FOXJ3: variants seen among roughly 807,000 people sequenced by gnomAD.
The protein encoded by FOXJ3 is forkhead box protein J3.
A neutral mutation model predicts 76.1 loss-of-function variants in FOXJ3; 22 were observed. The observed-to-expected ratio is 0.29, with a 90% CI of 0.21 to 0.41. The LOEUF is 0.41. Among genes scored for constraint, FOXJ3 ranks in the 10% least tolerant of loss-of-function variants. The pLI is 1.00. For synonymous variants in FOXJ3, 269 were observed against 261.2 expected, an observed-to-expected ratio of 1.03 and a Z score of -0.29; for missense variants, 613 against 762.1, an observed-to-expected ratio of 0.80 and a Z score of 2.30.
At chr1:42,206,008 T>C (rs1372074693) in intron 5 of FOXJ3, 145 bp from the exon 6 acceptor site, 1 of 589,868 alleles carries the variant, frequency 1.7e-6, no homozygotes, top group African/African-American at 1.9e-5. Flanking sequence ...TGAAATCTCT[T>C]CTACTAAATT....
At chr1:42,299,706 A>G (rs1467773059) in intron 2 of FOXJ3, among the ~76,000 whole-genome samples, 1 of 152,146 alleles carries the variant, frequency 6.6e-6, no homozygotes, top group Admixed American at 6.5e-5. Flanking sequence ...CAGGAGCTCA[A>G]GACCAGCCTG....
intron 1 of FOXJ3, among the ~76,000 whole-genome samples, chr1:42,328,676 AT>A (rs35507698): frequency 0.3 from 34,611 of 115,072 alleles, 3,272 homozygotes; most frequent in South Asian, 0.35. Context: ...TACTTATCCT[AT>A]TTTTTTTTTT....
Position 42,202,874 on chromosome 1 carries a change from T to C in FOXJ3, c.630+2888A>G, listed in dbSNP as rs1257640696. ...TCTTTAAATGAGGTTGTTTGTTGTT[T>C]TGATTTGGTCTGCATATTCTATGAG... is the stretch of plus-strand genomic sequence containing the variant. On this transcript the variant is annotated intron_variant, in intron 6 of 12. Coordinates refer to ENST00000361346, the MANE Select transcript of FOXJ3 (RefSeq NM_014947.5). Among the ~76,000 whole-genome samples, 4 of 152,192 alleles carry C rather than the reference T, an allele frequency of 2.6e-5. No homozygotes were observed. The East Asian group carries it at 7.7e-4, about 29-fold the overall frequency.
chr1:42,320,545 C>T (rs1416108456), intron 1 of FOXJ3, among the ~76,000 whole-genome samples: 2 of 151,758 alleles, frequency 1.3e-5, no homozygotes, highest in East Asian at 1.9e-4. Flanking sequence ...TAGATCACAC[C>T]GTATGTTTAA....
intron 4 of FOXJ3, among the ~76,000 whole-genome samples, chr1:42,240,210 A>G (rs535792579): frequency 7.9e-5 from 12 of 152,348 alleles, no homozygotes; most frequent in African/African-American, 2.9e-4. Context: ...TTATAGAGGT[A>G]GGGTCTTGCT....
At chr1:42,223,386 T>C (rs1173042314) in intron 5 of FOXJ3, among the ~76,000 whole-genome samples, 1 of 152,228 alleles carries the variant, frequency 6.6e-6, no homozygotes, top group Non-Finnish European at 1.5e-5. Context: ...ATCTCATAAC[T>C]TTAGTTTATC....
At chr1:42,270,529 C>T (rs951312095) in intron 3 of FOXJ3, among the ~76,000 whole-genome samples, 2 of 151,890 alleles carry the variant, frequency 1.3e-5, no homozygotes, top group Admixed American at 1.3e-4. Context: ...CACATAAAAC[C>T]CACAAAGAAA....
chr1:42,227,660 G>A (rs1011944416), intron 5 of FOXJ3, among the ~76,000 whole-genome samples: 3 of 152,156 alleles, frequency 2.0e-5, no homozygotes, highest in East Asian at 1.9e-4. Context: ...CGACACCTGC[G>A]CCCTAATTAT....
intron 8 of FOXJ3, among the ~76,000 whole-genome samples, chr1:42,194,599 T>C (rs1015259491): frequency 1.3e-5 from 2 of 152,202 alleles, no homozygotes; most frequent in African/African-American, 4.8e-5. Context: ...TAATTAATTA[T>C]AGTAGTGTTT....
chr1:42,231,089 C>T (rs1332487461), intron 4 of FOXJ3, among the ~76,000 whole-genome samples: 2 of 151,526 alleles, frequency 1.3e-5, no homozygotes, highest in Admixed American at 6.6e-5. Flanking sequence ...CCAAGGCAGG[C>T]GGATCACAAG....
intron 6 of FOXJ3, among the ~76,000 whole-genome samples, chr1:42,203,679 C>T (rs969758770): frequency 6.6e-6 from 1 of 152,018 alleles, no homozygotes; most frequent in African/African-American, 2.4e-5. Context: ...TTAGCAAATG[C>T]CTTAAGTGGA....
Position 42,251,389 on chromosome 1 carries a change from T to C in FOXJ3, c.444+13726A>G, listed in dbSNP as rs538424620. 4.6e-5 allele frequency among the ~76,000 whole-genome samples: 7 copies of C among 152,228 alleles called. No individual in the cohort carries two copies. In the East Asian group the frequency reaches 1.2e-3, roughly 25 times the overall value. On this transcript the variant is annotated intron_variant, in intron 4 of 12. Coordinates refer to ENST00000361346, the MANE Select transcript of FOXJ3 (RefSeq NM_014947.5). ...AAGTATACTGAGGATGAAATAAAGA[T>C]ATTTTCAGAGGAACAAAGGCCTATA...
chr1:42,257,227 A>T (rs1411937654), intron 4 of FOXJ3, among the ~76,000 whole-genome samples: 1 of 152,238 alleles, frequency 6.6e-6, no homozygotes, highest in African/African-American at 2.4e-5. Flanking sequence ...CCAAAGAAAG[A>T]TCACAAGAAT....
chr1:42,272,965 C>T (rs1651970595), intron 3 of FOXJ3, among the ~76,000 whole-genome samples: 1 of 152,182 alleles, frequency 6.6e-6, no homozygotes, highest in Non-Finnish European at 1.5e-5. Context: ...CTTCAAAACA[C>T]AGCTCAAGTC....
chr1:42,199,891 A>G (rs1388201388), intron 6 of FOXJ3, among the ~76,000 whole-genome samples: 3 of 151,434 alleles, frequency 2.0e-5, no homozygotes, highest in Non-Finnish European at 2.9e-5. Context: ...ATAATTTTTA[A>G]TTAGAAGCAA....
chr1:42,232,773 G>C (rs1052045683), intron 4 of FOXJ3, among the ~76,000 whole-genome samples: 1 of 152,034 alleles, frequency 6.6e-6, no homozygotes. Context: ...TAGTTTCTTT[G>C]GCTGTGTGGA....
chr1:42,216,240 C>T (rs1173385571), intron 5 of FOXJ3, among the ~76,000 whole-genome samples: 8 of 152,000 alleles, frequency 5.3e-5, no homozygotes, highest in Admixed American at 2.6e-4. Context: ...CTACTGTTGC[C>T]GGGCGCGGTG....
At chr1:42,258,873 C>T (rs1650813106) in intron 4 of FOXJ3, among the ~76,000 whole-genome samples, 1 of 152,160 alleles carries the variant, frequency 6.6e-6, no homozygotes, top group Non-Finnish European at 1.5e-5. Context: ...AGATGGCTCA[C>T]CTACATAATC....
intron 11 of FOXJ3, among the ~76,000 whole-genome samples, chr1:42,188,454 A>C (rs1646480245): frequency 6.6e-6 from 1 of 152,234 alleles, no homozygotes; most frequent in East Asian, 1.9e-4. Context: ...TCTCCAATAT[A>C]TTTCTTGTTT....
Sources: allele counts gnomAD v4.1 joint callset (sites outside exome capture counted in the v4.1 genomes callset), GRCh38; gene constraint gnomAD v4.1.1; transcripts MANE v1.5; gene names NCBI Gene and HGNC (gene_info 2026-07-23, HGNC 2026-07-21).